Variants in COL21A1 observed in about 807,000 individuals in gnomAD.
The protein encoded by COL21A1 is collagen type XXI alpha 1 chain.
Under a neutral mutation model 137.9 loss-of-function variants are expected in COL21A1, and 149 were observed. The ratio of observed to expected loss-of-function variants is 1.08; its 90% CI spans 0.95 to 1.24. The LOEUF is 1.24. Among genes scored for constraint, COL21A1 ranks in the 50% most tolerant of loss-of-function variants. The pLI is 0.00. For missense variants in COL21A1, 1,167 were observed against 1,158.4 expected, an observed-to-expected ratio of 1.01 and a Z score of -0.11; for synonymous variants, 456 against 391.5, an observed-to-expected ratio of 1.16 and a Z score of -1.95.
chr6:56,341,548 T>C (rs1369538653), intron 1 of COL21A1, among the ~76,000 whole-genome samples: 1 of 152,152 alleles, frequency 6.6e-6, no homozygotes, highest in African/African-American at 2.4e-5. Context: ...ATGGAGACAG[T>C]AAAAAGATCA....
chr6:56,126,308 C>A (rs139100516), intron 12 of COL21A1, 159 bp from the exon 13 acceptor site: 9 of 568,090 alleles, frequency 1.6e-5, no homozygotes, highest in Non-Finnish European at 2.8e-5. Flanking sequence ...GAAAAATTAT[C>A]CCTACTTTTC....
At chr6:56,196,869 A>AG (rs1231774096) in intron 1 of COL21A1, among the ~76,000 whole-genome samples, 69 of 152,226 alleles carry the variant, frequency 4.5e-4, no homozygotes, top group African/African-American at 1.6e-3. Flanking sequence ...TTACAAAAAT[A>AG]GAAAAATTAA....
intron 8 of COL21A1, 95 bp from the exon 9 acceptor site, chr6:56,164,601 G>T (rs1776435085): frequency 1.0e-6 from 1 of 997,956 alleles, no homozygotes; most frequent in Admixed American, 2.5e-5. Context: ...TGTGTAAAAT[G>T]GCAAAAATAT....
intron 1 of COL21A1, among the ~76,000 whole-genome samples, chr6:56,305,199 T>C (rs1764412213): frequency 6.6e-6 from 1 of 152,176 alleles, no homozygotes; most frequent in Non-Finnish European, 1.5e-5. Flanking sequence ...CTGAGAAGAA[T>C]GTATATTCTG....
At chr6:56,121,929 T>C (rs769850714) in intron 16 of COL21A1, among the ~76,000 whole-genome samples, 6 of 151,946 alleles carry the variant, frequency 3.9e-5, no homozygotes, top group Admixed American at 1.3e-4. Flanking sequence ...AGGAGACCCA[T>C]GCTAATGAGA....
intron 1 of COL21A1, among the ~76,000 whole-genome samples, chr6:56,209,356 G>A (rs1780004062): frequency 6.6e-6 from 1 of 152,032 alleles, no homozygotes; most frequent in Non-Finnish European, 1.5e-5. Flanking sequence ...TAGAGAATGG[G>A]AGAAAATTTT....
intron 1 of COL21A1, among the ~76,000 whole-genome samples, chr6:56,326,402 C>CAA (rs1186530456): frequency 1.3e-5 from 2 of 151,672 alleles, no homozygotes; most frequent in Admixed American, 1.3e-4. Context: ...GAGTTAGAAG[C>CAA]AAAAGGATAA....
chr6:56,059,028 G>C (rs1765565111), intron 29 of COL21A1, 137 bp downstream of exon 29: 2 of 660,362 alleles, frequency 3.0e-6, no homozygotes, highest in East Asian at 5.6e-5. Context: ...CCAGAAGTTA[G>C]ACTTCAGTGT....
rs548900817 is a variant in COL21A1, at chr6:56,125,073, T to A, written c.1650+494A>T. 2.3e-5 allele frequency among the ~76,000 whole-genome samples: 3 copies of A among 129,568 alleles called. No homozygotes were observed. The East Asian group carries it at 7.6e-4, about 33-fold the overall frequency. The allele number at this position is 129,568 out of a possible 152,430, so 85.0% of individuals were successfully genotyped here. The stretch of plus-strand genomic sequence containing the variant: ...TCTTGCTCTGTCACGCAGGCTGGAG[T>A]GCAGTGGCGTGATCTTGGCTCTCTG... On this transcript the variant is annotated intron_variant, in intron 14 of 29. Transcript: ENST00000244728.
At chr6:56,155,064 C>T (rs560560165) in intron 10 of COL21A1, among the ~76,000 whole-genome samples, 4 of 152,168 alleles carry the variant, frequency 2.6e-5, no homozygotes, top group Admixed American at 1.3e-4. Flanking sequence ...CCCTCTCCCC[C>T]CTCCCACCTT....
At chr6:56,074,904 T>G (rs1387227860) in intron 19 of COL21A1, among the ~76,000 whole-genome samples, 1 of 151,330 alleles carries the variant, frequency 6.6e-6, no homozygotes, top group East Asian at 1.9e-4. Context: ...GAAAATATAA[T>G]CTCAATATGA....
intron 1 of COL21A1, among the ~76,000 whole-genome samples, chr6:56,269,927 G>A (rs1763483551): frequency 6.6e-6 from 1 of 152,192 alleles, no homozygotes; most frequent in Admixed American, 6.5e-5. Context: ...AGGTTCTTAA[G>A]AGAGTGCTAA....
At chr6:56,284,582 C>G (rs962861798) in intron 1 of COL21A1, among the ~76,000 whole-genome samples, 1 of 152,146 alleles carries the variant, frequency 6.6e-6, no homozygotes, top group African/African-American at 2.4e-5. Context: ...AGCCTCCTAA[C>G]AGCAGTGTCT....
At chr6:56,093,494 G>A (rs533224850) in intron 17 of COL21A1, among the ~76,000 whole-genome samples, 2 of 151,692 alleles carry the variant, frequency 1.3e-5, no homozygotes, top group East Asian at 3.9e-4. Flanking sequence ...CAAAGGATAA[G>A]TTATCAACAT....
chr6:56,136,085 A>T (rs1403250636), intron 12 of COL21A1, among the ~76,000 whole-genome samples: 1 of 152,172 alleles, frequency 6.6e-6, no homozygotes, highest in Admixed American at 6.5e-5. Context: ...GCTCTAGTTA[A>T]TTAAACATGA....
chr6:56,328,014 G>A (rs1276135884), intron 1 of COL21A1, among the ~76,000 whole-genome samples: 1 of 151,982 alleles, frequency 6.6e-6, no homozygotes, highest in African/African-American at 2.4e-5. Context: ...GATTACAAAC[G>A]CATAAATATG....
chr6:56,103,196 T>C (rs4715577), intron 16 of COL21A1, among the ~76,000 whole-genome samples: 70,092 of 151,976 alleles, frequency 0.46, 17,146 homozygotes, highest in East Asian at 0.74. Context: ...TTTCAGGCCA[T>C]ACTGCAGCAT....
At chr6:56,107,650 A>T (rs1352888806) in intron 16 of COL21A1, among the ~76,000 whole-genome samples, 1 of 149,324 alleles carries the variant, frequency 6.7e-6, no homozygotes, top group Admixed American at 6.7e-5. Flanking sequence ...GAAAAAAAAC[A>T]GTGAAAAGTG....
intron 1 of COL21A1, among the ~76,000 whole-genome samples, chr6:56,302,876 G>A (rs1257586216): frequency 6.6e-6 from 1 of 152,126 alleles, no homozygotes; most frequent in Non-Finnish European, 1.5e-5. Context: ...TAACATTTAA[G>A]TCTTTAATCC....
Sources: gnomAD v4.1 joint callset for allele counts (sites outside exome capture counted in the v4.1 genomes callset) on GRCh38, gnomAD v4.1.1 for gene constraint, MANE v1.5 for transcripts, NCBI Gene and HGNC (gene_info 2026-07-23, HGNC 2026-07-21) for gene names.